Variants in FRK observed in about 807,000 individuals in gnomAD.
FRK encodes the protein tyrosine-protein kinase FRK.
A neutral mutation model predicts 56.4 loss-of-function variants in FRK; 51 were observed. The observed-to-expected ratio is 0.90, with a 90% CI of 0.72 to 1.14. The LOEUF (loss-of-function observed/expected upper bound fraction) is 1.14. Ranked by LOEUF, FRK falls within the 50% of genes most tolerant of loss-of-function variation. The probability of loss-of-function intolerance (pLI) is 0.00; values close to 1 mark genes in which losing one functional copy is unlikely to be tolerated. For synonymous variants in FRK, 245 were observed against 217.9 expected, an observed-to-expected ratio of 1.12 and a Z score of -1.10; for missense variants, 570 against 601.4, an observed-to-expected ratio of 0.95 and a Z score of 0.55.
intron 1 of FRK, among the ~76,000 whole-genome samples, chr6:116,017,273 C>A (rs1487845585): frequency 6.6e-6 from 1 of 152,176 alleles, no homozygotes. Flanking sequence ...CAGTGAACTG[C>A]AACCTAAATG....
chr6:116,046,018 T>C (rs1776941913), intron 1 of FRK, among the ~76,000 whole-genome samples: 1 of 152,196 alleles, frequency 6.6e-6, no homozygotes, highest in East Asian at 1.9e-4. Flanking sequence ...AAGACATTTA[T>C]GCAACCAACA....
intron 1 of FRK, among the ~76,000 whole-genome samples, chr6:116,012,128 A>C (rs1775496114): frequency 6.6e-6 from 1 of 152,196 alleles, no homozygotes; most frequent in Admixed American, 6.6e-5. Flanking sequence ...ATTTATATTT[A>C]CTGATCACAT....
chr6:116,086,232 C>A, the FRK span, among the ~76,000 whole-genome samples: 3 of 151,876 alleles, frequency 2.0e-5, no homozygotes, highest in African/African-American at 7.3e-5. Context: ...TCGCAGGGGA[C>A]AAAAAGTACT....
chr6:115,958,112 A>G lies in FRK; in HGVS notation c.800-1502T>C, dbSNP rs149303206. 2.9e-3 allele frequency among the ~76,000 whole-genome samples: 442 copies of G among 152,218 alleles called. 4 individuals carry two copies. Among genetic ancestry groups the G allele is most frequent in the African/African-American group, 9.8e-3 (406 of 41,532 alleles). ...TCTGAGCTCCATCAATTCCATCTCT[A>G]CCACTGGTTTACTCCACACAGTCAA... is the stretch of plus-strand genomic sequence containing the variant. On this transcript the variant is annotated intron_variant, in intron 4 of 7. Coordinates refer to ENST00000606080, the MANE Select transcript of FRK (RefSeq NM_002031.3).
chr6:116,051,816 A>G (rs1479960659), intron 1 of FRK, among the ~76,000 whole-genome samples: 1 of 152,126 alleles, frequency 6.6e-6, no homozygotes, highest in Non-Finnish European at 1.5e-5. Flanking sequence ...AGAAGATAAA[A>G]TTATTTTTTG....
In FRK at chr6:115,933,487, G is replaced by T. The variant is rs1300952606; in HGVS notation, c.*8927C>A. The T allele has an allele frequency of 6.6e-6, 1 of 152,118 alleles. No homozygotes were observed. Among genetic ancestry groups the T allele is most frequent in the African/African-American group, 2.4e-5 (1 of 41,422 alleles). The allele number at this position is 152,118 out of a possible 1,614,324, so 9.4% of individuals were successfully genotyped here. On this transcript the variant is annotated 3_prime_UTR_variant, in exon 8 of 8. Coordinates refer to ENST00000606080, the MANE Select transcript of FRK (RefSeq NM_002031.3). Reference sequence around the variant, plus strand: ...CAGGTAAAAACAAGAATAATAGATTGCTTTGACAGAACCTTGAACATAAAT... The same window carrying T: ...CAGGTAAAAACAAGAATAATAGATTTCTTTGACAGAACCTTGAACATAAAT...
In FRK at chr6:115,974,488, T is replaced by C. The variant is rs572795398; in HGVS notation, c.467-5749A>G. Among the ~76,000 whole-genome samples the C allele has an allele frequency of 6.6e-5, 10 of 152,308 alleles. No homozygotes were observed. The East Asian group carries it at 1.9e-3, about 29-fold the overall frequency. On this transcript the variant is annotated intron_variant, in intron 2 of 7. Coordinates refer to ENST00000606080, the MANE Select transcript of FRK (RefSeq NM_002031.3). ...GAGTTTTCAAGCACAAAGAGAGGTA[T>C]TTTGCTTAACGGAAAAAGCAACAGA...
In FRK at chr6:115,980,960, T is replaced by C. The variant is rs141144757; in HGVS notation, c.467-12221A>G. ...CTGTTCTTTTTCATTGATTTTGTCT[T>C]TTTTATGTTTAGCTATATTTTATAT... On this transcript the variant is annotated intron_variant, in intron 2 of 7. Coordinates refer to ENST00000606080, the MANE Select transcript of FRK (RefSeq NM_002031.3). Among the ~76,000 whole-genome samples the C allele has an allele frequency of 3.6e-3, 553 of 152,254 alleles. 6 individuals are homozygous for C. Among genetic ancestry groups the C allele is most frequent in the African/African-American group, 0.013 (531 of 41,576 alleles).
In FRK at chr6:116,048,007, A is replaced by T. The variant is rs79774569; in HGVS notation, c.344+11961T>A. ...ACTTACACACCACTTATTCACCTAA[A>T]CTACAGCTATTTAAATCTAAAGACT... On this transcript the variant is annotated intron_variant, in intron 1 of 7. Transcript: ENST00000606080. Among the ~76,000 whole-genome samples, 1,191 of 152,296 alleles carry T rather than the reference A, an allele frequency of 7.8e-3. 14 individuals carry two copies. The highest frequency in any genetic ancestry group is 0.027 in the African/African-American group (1,109 of 41,560).
rs1335679259 is a variant in FRK at position 115,942,562 on chromosome 6, T to C, written c.1370A>G (p.Asn457Ser). 2 of 1,613,798 alleles carry C rather than the reference T, an allele frequency of 1.2e-6. No homozygotes were observed. Among genetic ancestry groups the C allele is most frequent in the African/African-American group, 1.3e-5 (1 of 75,018 alleles). Residue 457 changes from asparagine to serine, a missense_variant, in exon 8 of 8, where the codon AAC (asparagine) becomes AGC (serine). Transcript: ENST00000606080. ...AQNYRLPQPS[N>S]CPQQFYNIML... ...GATGTTGTAAAATTGCTGTGGACAG[T>C]TGGATGGTTGCGGAAGTCTATAGTT...
At chr6:116,064,410 GA>G (rs1203774225), upstream of FRK, among the ~76,000 whole-genome samples, 1 of 152,028 alleles carries the variant, frequency 6.6e-6, no homozygotes, top group Non-Finnish European at 1.5e-5. Context: ...AATATTTGAT[GA>G]ATTAAATAAT....
intron 5 of FRK, among the ~76,000 whole-genome samples, chr6:115,949,941 CTATTAAA>C (rs1409564484): frequency 6.6e-6 from 1 of 152,158 alleles, no homozygotes; most frequent in Admixed American, 6.5e-5. Flanking sequence ...AAAGGATTCC[CTATTAAA>C]TAAATGTTGT....
rs923840378 is a variant in FRK at position 115,933,272 on chromosome 6, A to G, written c.*9142T>C. 9 of 152,250 alleles carry G rather than the reference A, an allele frequency of 5.9e-5. No homozygotes were observed. The highest frequency in any genetic ancestry group is 2.2e-4 in the African/African-American group (9 of 41,474). 9.4% of individuals were successfully genotyped at this position (152,250 alleles called of 1,614,324 possible). ...CCAAATAACTGAATTACATAAATAA[A>G]ACATTATATGAAAAGTGCTTTGCTA... On this transcript the variant is annotated 3_prime_UTR_variant, in exon 8 of 8. Coordinates refer to ENST00000606080, the MANE Select transcript of FRK (RefSeq NM_002031.3).
intron 2 of FRK, among the ~76,000 whole-genome samples, chr6:115,976,455 C>T (rs982751872): frequency 1.3e-5 from 2 of 152,102 alleles, no homozygotes; most frequent in South Asian, 2.1e-4. Flanking sequence ...GACACAAAGA[C>T]GTCAAGTCGG....
intron 1 of FRK, among the ~76,000 whole-genome samples, chr6:116,037,543 A>T (rs372123294): frequency 1.1e-4 from 17 of 152,270 alleles, no homozygotes; most frequent in African/African-American, 4.1e-4. Flanking sequence ...TGGCATGCCC[A>T]TATTTGTCTG....
Position 115,975,501 on chromosome 6 carries a change from T to C in FRK, c.467-6762A>G, listed in dbSNP as rs188909972. Among the ~76,000 whole-genome samples, 39 of 152,294 alleles carry C rather than the reference T, an allele frequency of 2.6e-4. No individual in the cohort carries two copies. In the East Asian group the frequency reaches 6.9e-3, roughly 27 times the overall value. ...GAGTTCATATGCTTGCAAATTGTCG[T>C]TCTTAATGAAGGTTGAATTCAGGTG... On this transcript the variant is annotated intron_variant, in intron 2 of 7. Transcript: ENST00000606080.
chr6:116,035,528 C>A (rs953067889), intron 1 of FRK, among the ~76,000 whole-genome samples: 2 of 152,064 alleles, frequency 1.3e-5, no homozygotes, highest in Non-Finnish European at 2.9e-5. Context: ...AATGAAAATT[C>A]TGTTTCAAAG....
At chr6:116,006,131 A>T (rs1287313143) in intron 1 of FRK, among the ~76,000 whole-genome samples, 1 of 152,212 alleles carries the variant, frequency 6.6e-6, no homozygotes, top group Non-Finnish European at 1.5e-5. Context: ...AACCCAAAAT[A>T]GGATTAGTAT....
Position 115,942,539 on chromosome 6 carries a change from T to C in FRK, c.1393A>G (p.Ile465Val), listed in dbSNP as rs1162425669. The change falls in exon 8 of 8, where the codon ATC (isoleucine) becomes GTC (valine). Residue 465 changes from isoleucine (I) to valine (V), a missense_variant. Coordinates refer to ENST00000606080, the MANE Select transcript of FRK (RefSeq NM_002031.3). ...TCTGCATTCCAGCACTCCAACATGA[T>C]GTTGTAAAATTGCTGTGGACAGTTG... is the stretch of plus-strand genomic sequence containing the variant. Reference protein sequence around the residue: ...PSNCPQQFYNIMLECWNAEPK... With the variant: ...PSNCPQQFYNVMLECWNAEPK... 3.7e-6 allele frequency: 6 copies of C among 1,613,864 alleles called. No individual in the cohort carries two copies. The highest frequency in any genetic ancestry group is 1.3e-5 in the African/African-American group (1 of 75,034).
Sources: allele counts gnomAD v4.1 joint callset (sites outside exome capture counted in the v4.1 genomes callset), GRCh38; gene constraint gnomAD v4.1.1; transcripts MANE v1.5; gene names NCBI Gene and HGNC (gene_info 2026-07-23, HGNC 2026-07-21).